CAB39L: variants seen among roughly 807,000 people sequenced by gnomAD.
The protein encoded by CAB39L is calcium binding protein 39 like, also known as calcium-binding protein 39-like.
Under a neutral mutation model 39.1 loss-of-function variants are expected in CAB39L, and 23 were observed. The ratio of observed to expected loss-of-function variants is 0.59; its 90% CI spans 0.42 to 0.83. The LOEUF (loss-of-function observed/expected upper bound fraction) is 0.83. Among genes scored for constraint, CAB39L ranks in the 40% least tolerant of loss-of-function variants. CAB39L has a pLI of 0.00. For missense variants in CAB39L, 366 were observed against 391.9 expected, an observed-to-expected ratio of 0.93 and a Z score of 0.56; for synonymous variants, 126 against 137.2, an observed-to-expected ratio of 0.92 and a Z score of 0.57.
chr13:49,351,754 G>A (rs1206276766), intron 6 of CAB39L, among the ~76,000 whole-genome samples: 1 of 152,216 alleles, frequency 6.6e-6, no homozygotes, highest in African/African-American at 2.4e-5. Context: ...ACTGTGGGCA[G>A]GTGGTGGATA....
At chr13:49,385,107 T>G (rs969413449) in intron 3 of CAB39L, among the ~76,000 whole-genome samples, 2 of 152,238 alleles carry the variant, frequency 1.3e-5, no homozygotes, top group Non-Finnish European at 2.9e-5. Flanking sequence ...CCATCTACAC[T>G]GAAAATCTGT....
chr13:49,396,022 T>G (rs1444184700), intron 3 of CAB39L, among the ~76,000 whole-genome samples: 11 of 148,258 alleles, frequency 7.4e-5, no homozygotes, highest in African/African-American at 2.5e-4. Context: ...CCTAACACTT[T>G]GGGAGGTCAA....
chr13:49,310,885 C>T lies in CAB39L; in HGVS notation c.943G>A (p.Asp315Asn). The T allele has an allele frequency of 6.2e-7, 1 of 1,614,184 alleles. No individual in the cohort carries two copies. Among genetic ancestry groups the T allele is most frequent in the Non-Finnish European group, 8.5e-7 (1 of 1,180,038 alleles). The stretch of plus-strand genomic sequence containing the variant: ...TTCTTCTCGTCAGCGAACTGCTCAT[C>T]ATCCGTCCTTTCTTTTTGGAAGCTG... Reference protein sequence around the residue: ...LSSFQKERTDDEQFADEKNYL... With the variant: ...LSSFQKERTDNEQFADEKNYL... The change falls in exon 11 of 11, where the codon GAT (aspartate) becomes AAT (asparagine). Residue 315 changes from aspartate to asparagine, a missense_variant. Coordinates refer to ENST00000409308, the MANE Select transcript of CAB39L (RefSeq NM_001079670.3).
At position 49,372,090 on chromosome 13, in the gene CAB39L, C is replaced by T. The variant is rs183652677; in HGVS notation, c.276+4877G>A. Among the ~76,000 whole-genome samples, 31 of 152,200 alleles carry T rather than the reference C, an allele frequency of 2.0e-4. No individual in the cohort carries two copies. In the East Asian group the frequency reaches 4.2e-3, roughly 21 times the overall value. On this transcript the variant is annotated intron_variant, in intron 5 of 10. Transcript: ENST00000409308. ...GGCAATACATTTTCCCTCCTTTGATCTCTTATCACGTTGTGTTTCAAAACA... is the reference window on the plus strand; with the variant it reads ...GGCAATACATTTTCCCTCCTTTGATTTCTTATCACGTTGTGTTTCAAAACA...
At position 49,403,803 on chromosome 13, in the gene CAB39L, G is replaced by A. The variant is rs563801494; in HGVS notation, c.-31-20862C>T. Among the ~76,000 whole-genome samples the A allele has an allele frequency of 2.6e-5, 4 of 151,882 alleles. No homozygotes were observed. The South Asian group carries it at 8.3e-4, about 32-fold the overall frequency. On this transcript the variant is annotated intron_variant, in intron 3 of 10. Transcript: ENST00000409308. ...CAACAAAAAAACCCTATAAACTCTG[G>A]AATGAAAATTACACCAAATGAGATG...
intron 3 of CAB39L, among the ~76,000 whole-genome samples, chr13:49,426,254 T>C (rs1032105249): frequency 2.6e-5 from 4 of 152,190 alleles, no homozygotes; most frequent in South Asian, 2.1e-4. Context: ...GAGGCCCTTT[T>C]ATGTGACTGA....
intron 3 of CAB39L, among the ~76,000 whole-genome samples, chr13:49,394,657 AC>A (rs1956567737): frequency 6.6e-6 from 1 of 152,178 alleles, no homozygotes; most frequent in Admixed American, 6.5e-5. Flanking sequence ...ATTGTGATAT[AC>A]CCAGTTGATG....
In CAB39L at chr13:49,310,266, A is replaced by T. The variant is rs1235725757; in HGVS notation, c.*548T>A. The T allele has an allele frequency of 6.5e-6, 1 of 153,030 alleles. No individual in the cohort carries two copies. Among genetic ancestry groups the T allele is most frequent in the Non-Finnish European group, 1.5e-5 (1 of 68,678 alleles). The allele number at this position is 153,030 out of a possible 1,614,324, so 9.5% of individuals were successfully genotyped here. Reference sequence around the variant, plus strand: ...CAGGACAGGGAGAGAGGGGAGACTGAGCTGAGAGGGAGCACTGGATCCTGG... The same window carrying T: ...CAGGACAGGGAGAGAGGGGAGACTGTGCTGAGAGGGAGCACTGGATCCTGG... On this transcript the variant is annotated 3_prime_UTR_variant, in exon 11 of 11. Transcript: ENST00000409308.
chr13:49,369,147 G>C (rs569194225), intron 5 of CAB39L, among the ~76,000 whole-genome samples: 3 of 152,248 alleles, frequency 2.0e-5, no homozygotes, highest in East Asian at 1.9e-4. Flanking sequence ...ACCCTTATTA[G>C]AATGGCTAAA....
intron 3 of CAB39L, among the ~76,000 whole-genome samples, chr13:49,411,858 C>T (rs574336809): frequency 1.8e-4 from 27 of 152,278 alleles, no homozygotes; most frequent in African/African-American, 5.8e-4. Flanking sequence ...TAGAAGGGAT[C>T]GAGGTCCTTT....
chr13:49,321,836 C>A (rs1384951227), intron 10 of CAB39L, among the ~76,000 whole-genome samples: 2 of 152,082 alleles, frequency 1.3e-5, no homozygotes, highest in African/African-American at 4.8e-5. Flanking sequence ...CAGCTAAATG[C>A]AAGGTGGATG....
At chr13:49,325,808 A>G (rs1444732008) in intron 10 of CAB39L, among the ~76,000 whole-genome samples, 1 of 151,746 alleles carries the variant, frequency 6.6e-6, no homozygotes, top group African/African-American at 2.4e-5. Flanking sequence ...ATACATAAAT[A>G]AATAATATTA....
At chr13:49,417,123 A>G (rs1198725582) in intron 3 of CAB39L, among the ~76,000 whole-genome samples, 1 of 152,246 alleles carries the variant, frequency 6.6e-6, no homozygotes, top group Non-Finnish European at 1.5e-5. Context: ...ATGGTTGGAT[A>G]GTAATCCATT....
At chr13:49,386,353 C>A (rs1328573712) in intron 3 of CAB39L, among the ~76,000 whole-genome samples, 1 of 151,996 alleles carries the variant, frequency 6.6e-6, no homozygotes. Flanking sequence ...TTCATTTATT[C>A]ATTGAATAAA....
intron 10 of CAB39L, among the ~76,000 whole-genome samples, chr13:49,320,686 A>G (rs1331846087): frequency 6.6e-6 from 1 of 152,174 alleles, no homozygotes; most frequent in East Asian, 1.9e-4. Flanking sequence ...TGCTCCTGTT[A>G]CGGTTATGTG....
rs772030078 is a variant in CAB39L, at chr13:49,350,893, C to T, written c.415G>A (p.Ala139Thr). The change falls in exon 7 of 11, where the codon GCC becomes ACC. Residue 139 changes from alanine to threonine, a missense_variant. Transcript: ENST00000409308. ...CTCAGCATAATCCCACAACGTAAGG[C>T]AATCTGTGGGGCTTCATATCTAAAG... Reference protein sequence around the residue: ...LLKGYEAPQIALRCGIMLREC... With the variant: ...LLKGYEAPQITLRCGIMLREC... 3.1e-6 allele frequency: 5 copies of T among 1,596,914 alleles called. No individual in the cohort carries two copies. Among genetic ancestry groups the T allele is most frequent in the East Asian group, 2.2e-5 (1 of 44,562 alleles).
intron 10 of CAB39L, among the ~76,000 whole-genome samples, chr13:49,315,582 C>T (rs1954132107): frequency 6.6e-6 from 1 of 151,902 alleles, no homozygotes; most frequent in Non-Finnish European, 1.5e-5. Context: ...GCTATAAATG[C>T]CTACATTAAA....
intron 4 of CAB39L, among the ~76,000 whole-genome samples, chr13:49,381,349 C>A (rs1956249307): frequency 6.6e-6 from 1 of 152,154 alleles, no homozygotes; most frequent in African/African-American, 2.4e-5. Context: ...GTGCTTTAAA[C>A]ATACATGGAG....
intron 3 of CAB39L, chr13:49,414,131 T>C (rs1648019353): frequency 6.6e-6 from 1 of 152,246 alleles, no homozygotes; most frequent in Non-Finnish European, 1.5e-5. Flanking sequence ...TATACAATTC[T>C]TAATGCTTAC....
Sources: allele counts gnomAD v4.1 joint callset (sites outside exome capture counted in the v4.1 genomes callset), GRCh38; gene constraint gnomAD v4.1.1; transcripts MANE v1.5; gene names NCBI Gene and HGNC (gene_info 2026-07-23, HGNC 2026-07-21).